The following PCLO variants were observed in gnomAD, a reference collection of about 807,000 sequenced individuals.
The protein encoded by PCLO is protein piccolo.
A neutral mutation model predicts 427.5 loss-of-function variants in PCLO; 82 were observed. The ratio of observed to expected loss-of-function variants is 0.19; its 90% confidence interval spans 0.16 to 0.23. The LOEUF is 0.23. Among genes scored for constraint, PCLO ranks in the 10% least tolerant of loss-of-function variants. The pLI is 1.00. For synonymous variants in PCLO, 2,357 were observed against 2,155.4 expected, an observed-to-expected ratio of 1.09 and a Z score of -2.59; for missense variants, 6,239 against 6,115.9, an observed-to-expected ratio of 1.02 and a Z score of -0.67.
intron 3 of PCLO, among the ~76,000 whole-genome samples, chr7:83,038,088 T>C (rs1420016106): frequency 4.2e-5 from 3 of 70,922 alleles, no homozygotes; most frequent in African/African-American, 1.5e-4. Context: ...TATATATCTT[T>C]ATATATATAT....
intron 10 of PCLO, among the ~76,000 whole-genome samples, chr7:82,847,649 G>A (rs757976326): frequency 3.3e-5 from 5 of 152,122 alleles, no homozygotes; most frequent in Non-Finnish European, 2.9e-5. Flanking sequence ...GAATGTATTT[G>A]GTACTTTATC....
chr7:82,851,471 A>T (rs1019672964), intron 10 of PCLO, among the ~76,000 whole-genome samples: 2 of 152,104 alleles, frequency 1.3e-5, no homozygotes, highest in Non-Finnish European at 2.9e-5. Context: ...TACATATTTT[A>T]TGAATAAATA....
At chr7:83,111,678 T>G (rs1791005029) in intron 3 of PCLO, among the ~76,000 whole-genome samples, 2 of 151,770 alleles carry the variant, frequency 1.3e-5, no homozygotes, top group African/African-American at 4.9e-5. Flanking sequence ...GAGTGCAGTC[T>G]TGTTAAGATC....
chr7:83,081,589 T>C (rs1379077728), intron 3 of PCLO, among the ~76,000 whole-genome samples: 1 of 151,934 alleles, frequency 6.6e-6, no homozygotes, highest in African/African-American at 2.4e-5. Flanking sequence ...TCCAACTGTA[T>C]ACATTAAACT....
chr7:83,115,258 T>C (rs1222127211), intron 3 of PCLO, among the ~76,000 whole-genome samples: 1 of 152,020 alleles, frequency 6.6e-6, no homozygotes, highest in Admixed American at 6.6e-5. Flanking sequence ...TTTTAGCAGA[T>C]ACAAAAGAAA....
chr7:82,965,652 G>A, intron 4 of PCLO, 119 bp downstream of exon 4: 5 of 636,914 alleles, frequency 7.9e-6, no homozygotes, highest in Non-Finnish European at 1.3e-5. Flanking sequence ...CTTTAAGAAT[G>A]TCATTCATTG....
intron 22 of PCLO, among the ~76,000 whole-genome samples, chr7:82,784,957 C>T (rs920237699): frequency 6.6e-6 from 1 of 152,168 alleles, no homozygotes; most frequent in African/African-American, 2.4e-5. Flanking sequence ...AATATATTGC[C>T]TCCAGCTTTT....
At chr7:82,970,105 T>C (rs1795867261) in intron 3 of PCLO, among the ~76,000 whole-genome samples, 1 of 151,996 alleles carries the variant, frequency 6.6e-6, no homozygotes, top group African/African-American at 2.4e-5. Context: ...GCAAAAATCA[T>C]ATAACATATG....
chr7:83,081,635 A>G (rs921933290), intron 3 of PCLO, among the ~76,000 whole-genome samples: 2 of 151,770 alleles, frequency 1.3e-5, no homozygotes, highest in African/African-American at 2.4e-5. Context: ...TTAGATTGCT[A>G]TTTTTCCTAT....
At chr7:82,850,131 C>G (rs1402141194) in intron 10 of PCLO, among the ~76,000 whole-genome samples, 1 of 152,058 alleles carries the variant, frequency 6.6e-6, no homozygotes, top group Non-Finnish European at 1.5e-5. Context: ...GCCTTAGGCT[C>G]CTGAGTAGCT....
chr7:83,070,786 G>A (rs1410872600), intron 3 of PCLO, among the ~76,000 whole-genome samples: 1 of 152,080 alleles, frequency 6.6e-6, no homozygotes, highest in Non-Finnish European at 1.5e-5. Flanking sequence ...AAATGATGAT[G>A]GAATGAGACC....
chr7:83,028,282 C>A (rs1266553800), intron 3 of PCLO, among the ~76,000 whole-genome samples: 3 of 149,844 alleles, frequency 2.0e-5, no homozygotes, highest in Non-Finnish European at 4.5e-5. Flanking sequence ...AATCAATGTA[C>A]AAAAATCACA....
Position 82,861,342 on chromosome 7 carries a change from A to G in PCLO, c.13655-14095T>C, listed in dbSNP as rs140112072. Among the ~76,000 whole-genome samples, 8 of 152,098 alleles carry G rather than the reference A, an allele frequency of 5.3e-5. No homozygotes were observed. The East Asian group carries it at 1.5e-3, about 29-fold the overall frequency. On this transcript the variant is annotated intron_variant, in intron 10 of 24. Transcript: ENST00000333891. ...GGAATTTTGGAAACTATTCAAGTAC[A>G]TGGAGTTATTACACTTAGAAAAAGT...
intron 3 of PCLO, among the ~76,000 whole-genome samples, chr7:82,998,391 A>AAAC (rs79603092): frequency 0.19 from 28,788 of 148,842 alleles, 3,131 homozygotes; most frequent in Middle Eastern, 0.25. Context: ...TGTCCTTTAA[A>AAAC]AACAACAACA....
chr7:83,043,348 A>T (rs957992955), intron 3 of PCLO, among the ~76,000 whole-genome samples: 8 of 152,210 alleles, frequency 5.3e-5, no homozygotes, highest in Admixed American at 4.6e-4. Context: ...TTCCTTGAAT[A>T]CAGAGAAGGA....
chr7:83,091,209 A>G (rs574598986), intron 3 of PCLO, among the ~76,000 whole-genome samples: 5 of 152,320 alleles, frequency 3.3e-5, no homozygotes, highest in South Asian at 4.1e-4. Context: ...ATTCAAAAAA[A>G]AGAATAAAAT....
At chr7:82,993,010 A>AG (rs1796412388) in intron 3 of PCLO, among the ~76,000 whole-genome samples, 1 of 152,060 alleles carries the variant, frequency 6.6e-6, no homozygotes, top group African/African-American at 2.4e-5. Flanking sequence ...TATTGTCTCT[A>AG]TACATACATG....
At chr7:82,987,309 C>A (rs1038997105) in intron 3 of PCLO, among the ~76,000 whole-genome samples, 2 of 151,918 alleles carry the variant, frequency 1.3e-5, no homozygotes, top group Non-Finnish European at 2.9e-5. Flanking sequence ...ATGGAGACAA[C>A]AGACTTATCA....
intron 6 of PCLO, among the ~76,000 whole-genome samples, chr7:82,933,496 C>T (rs536865741): frequency 1.3e-5 from 2 of 152,044 alleles, no homozygotes; most frequent in East Asian, 1.9e-4. Flanking sequence ...AGTCTTCAGC[C>T]TTCACAGCAT....
Sources: allele counts gnomAD v4.1 joint callset (sites outside exome capture counted in the v4.1 genomes callset), GRCh38; gene constraint gnomAD v4.1.1; transcripts MANE v1.5; gene names NCBI Gene and HGNC (gene_info 2026-07-23, HGNC 2026-07-21).